Variants in GPR141 observed in about 807,000 individuals in gnomAD.
GPR141 encodes probable G protein-coupled receptor 141.
Under a neutral mutation model 6.8 loss-of-function variants are expected in GPR141, and 6 were observed. The observed-to-expected ratio is 0.88, with a 90% CI of 0.48 to 1.74. The LOEUF is 1.74. Among genes scored for constraint, GPR141 ranks in the 40% most tolerant of loss-of-function variants. The probability of loss-of-function intolerance (pLI) is 0.01; values close to 1 mark genes in which losing one functional copy is unlikely to be tolerated. For missense variants in GPR141, 372 were observed against 372.9 expected, an observed-to-expected ratio of 1.00 and a Z score of 0.02; for synonymous variants, 140 against 142.3, an observed-to-expected ratio of 0.98 and a Z score of 0.11.
rs1409161630 is a variant in GPR141 at position 37,740,474 on chromosome 7, G to A, written c.81G>A (p.Val27=). The A allele has an allele frequency of 1.2e-6, 2 of 1,614,034 alleles. No individual in the cohort carries two copies. Among genetic ancestry groups the A allele is most frequent in the South Asian group, 2.2e-5 (2 of 91,074 alleles). Residue 27 remains valine (V), a synonymous_variant, in exon 3 of 3, where the codon GTG becomes GTA. Coordinates refer to ENST00000334425, the MANE Select transcript of GPR141 (RefSeq NM_001381946.1). ...TPHLISLYFI[V]LIGGLVGVIS... Reference sequence around the variant, plus strand: ...ACTTAATCAGCCTCTACTTCATAGTGCTTATTGGCGGGCTGGTGGGTGTCA... The same window carrying A: ...ACTTAATCAGCCTCTACTTCATAGTACTTATTGGCGGGCTGGTGGGTGTCA...
At chr7:37,705,831 A>G (rs1366964420) in intron 2 of GPR141, among the ~76,000 whole-genome samples, 1 of 152,218 alleles carries the variant, frequency 6.6e-6, no homozygotes, top group African/African-American at 2.4e-5. Flanking sequence ...TCTATAGGGC[A>G]GCCACAGTTG....
rs569222255 is a variant in GPR141 at position 37,721,284 on chromosome 7, A to G, written c.-14-19096A>G. Among the ~76,000 whole-genome samples, 7 of 152,206 alleles carry G rather than the reference A, an allele frequency of 4.6e-5. No homozygotes were observed. The South Asian group carries it at 1.5e-3, about 32-fold the overall frequency. ...TGGAATAAAAGTACCCTTGTCCTGG[A>G]TTTCTTGGGAGGATTATAAGTATCA... On this transcript the variant is annotated intron_variant, in intron 2 of 2. Transcript: ENST00000334425.
In GPR141 at chr7:37,740,855, G is replaced by T; in HGVS notation, c.462G>T (p.Arg154=). ...IVIVVPLVVS[R]YGIHEEYNEE... ...TTGTGGTACCCCTGGTTGTCTCCCGGTATGGAATCCATGAGGAATACAATG... is the reference window on the plus strand; with the variant it reads ...TTGTGGTACCCCTGGTTGTCTCCCGTTATGGAATCCATGAGGAATACAATG... Residue 154 remains arginine (R), a synonymous_variant, in exon 3 of 3, where the codon CGG becomes CGT. Coordinates refer to ENST00000334425, the MANE Select transcript of GPR141 (RefSeq NM_001381946.1). The T allele has an allele frequency of 6.2e-7, 1 of 1,614,070 alleles. No individual in the cohort carries two copies. The highest frequency in any genetic ancestry group is 8.5e-7 in the Non-Finnish European group (1 of 1,179,942).
Position 37,699,819 on chromosome 7 carries a change from GTTTA to G in GPR141, c.-15+14245_-15+14248del, listed in dbSNP as rs1043634108. ...GTTGTGAGGTTTTGTTTTTTCAGGG[GTTTA>G]TTTATTTACTTATTTTTAAAAATGC... On this transcript the variant is annotated intron_variant, in intron 2 of 2. Transcript: ENST00000334425. Among the ~76,000 whole-genome samples the G allele has an allele frequency of 5.3e-5, 8 of 152,214 alleles. No individual in the cohort carries two copies. The South Asian group carries it at 8.3e-4, about 16-fold the overall frequency.
chr7:37,743,148 A>G lies in GPR141; in HGVS notation c.*1837A>G, dbSNP rs971728174. ...ACCTGAAGTGATTAGTAACATGAAT[A>G]GAATAACAGAATGAATTAAGGGAAC... On this transcript the variant is annotated 3_prime_UTR_variant, in exon 3 of 3. Transcript: ENST00000334425. Among the ~76,000 whole-genome samples the G allele has an allele frequency of 1.3e-5, 2 of 152,158 alleles. No homozygotes were observed. The highest frequency in any genetic ancestry group is 2.4e-5 in the African/African-American group (1 of 41,466).
intron 2 of GPR141, among the ~76,000 whole-genome samples, chr7:37,726,931 A>C (rs1263718015): frequency 6.6e-6 from 1 of 152,196 alleles, no homozygotes; most frequent in African/African-American, 2.4e-5. Flanking sequence ...TGGGAGAAAA[A>C]GAGGAATTAG....
chr7:37,734,245 ATT>A (rs1279658266), intron 2 of GPR141, among the ~76,000 whole-genome samples: 1 of 152,176 alleles, frequency 6.6e-6, no homozygotes, highest in Non-Finnish European at 1.5e-5. Context: ...AAATTATCTA[ATT>A]TGTCTCATAA....
intron 2 of GPR141, among the ~76,000 whole-genome samples, chr7:37,723,965 A>G (rs572421528): frequency 4.6e-5 from 7 of 152,346 alleles, no homozygotes; most frequent in Non-Finnish European, 8.8e-5. Context: ...GATCTATGCA[A>G]GGCTCTCCCT....
chr7:37,687,348 T>C (rs1386818866), intron 2 of GPR141, among the ~76,000 whole-genome samples: 2 of 152,120 alleles, frequency 1.3e-5, no homozygotes, highest in Non-Finnish European at 2.9e-5. Flanking sequence ...TAGCTTTGTA[T>C]ATAGTTGGTG....
intron 2 of GPR141, among the ~76,000 whole-genome samples, chr7:37,725,577 G>A (rs1291458135): frequency 6.6e-6 from 1 of 152,208 alleles, no homozygotes; most frequent in African/African-American, 2.4e-5. Context: ...GCTCAGCTCA[G>A]ACGCAATTTC....
At position 37,729,687 on chromosome 7, in the gene GPR141, G is replaced by T. The variant is rs945713116; in HGVS notation, c.-14-10693G>T. Among the ~76,000 whole-genome samples, 4 of 152,228 alleles carry T rather than the reference G, an allele frequency of 2.6e-5. No individual in the cohort carries two copies. In the South Asian group the frequency reaches 8.3e-4, roughly 31 times the overall value. On this transcript the variant is annotated intron_variant, in intron 2 of 2. Coordinates refer to ENST00000334425, the MANE Select transcript of GPR141 (RefSeq NM_001381946.1). ...AATGTCCCGGGGGCCTGAAGGGCTT[G>T]AAAGAAAATGCAGTCTGTGTTTACA...
At chr7:37,687,929 C>A (rs939038972) in intron 2 of GPR141, among the ~76,000 whole-genome samples, 1 of 152,058 alleles carries the variant, frequency 6.6e-6, no homozygotes, top group Non-Finnish European at 1.5e-5. Context: ...AGGACCAGAT[C>A]ATAAATATTT....
rs774739186 is a variant in GPR141 at position 37,741,577 on chromosome 7, C to T, written c.*266C>T. On this transcript the variant is annotated 3_prime_UTR_variant, in exon 3 of 3. Coordinates refer to ENST00000334425, the MANE Select transcript of GPR141 (RefSeq NM_001381946.1). ...TTCCAGTACAGAATGTCTGTGTGGCCCATGAAAGCAACATAGGTTTTAAGA... is the reference window on the plus strand; with the variant it reads ...TTCCAGTACAGAATGTCTGTGTGGCTCATGAAAGCAACATAGGTTTTAAGA... Among the ~76,000 whole-genome samples, 62 of 152,240 alleles carry T rather than the reference C, an allele frequency of 4.1e-4. No individual in the cohort carries two copies. The highest frequency in any genetic ancestry group is 7.9e-4 in the Non-Finnish European group (54 of 68,024).
In GPR141 at chr7:37,726,678, T is replaced by C. The variant is rs73691175; in HGVS notation, c.-14-13702T>C. ...TAATAAATAGAAAGCATGCTGCCTT[T>C]ATCCTTATAGTATGTGGTGTATATT... On this transcript the variant is annotated intron_variant, in intron 2 of 2. Coordinates refer to ENST00000334425, the MANE Select transcript of GPR141 (RefSeq NM_001381946.1). Among the ~76,000 whole-genome samples, 974 of 152,342 alleles carry C rather than the reference T, an allele frequency of 6.4e-3. 10 individuals carry two copies. Among genetic ancestry groups the C allele is most frequent in the African/African-American group, 0.022 (920 of 41,580 alleles).
chr7:37,715,487 A>G (rs1462578531), intron 2 of GPR141, among the ~76,000 whole-genome samples: 2 of 152,098 alleles, frequency 1.3e-5, no homozygotes, highest in Admixed American at 1.3e-4. Context: ...GAGGAGGAAA[A>G]GGAAAGGAAA....
At chr7:37,694,560 T>C (rs1335918167) in intron 2 of GPR141, among the ~76,000 whole-genome samples, 4 of 152,190 alleles carry the variant, frequency 2.6e-5, no homozygotes, top group Non-Finnish European at 5.9e-5. Flanking sequence ...TGTGTTGCAA[T>C]GAAGGAATAT....
chr7:37,695,037 A>G (rs935789760), intron 2 of GPR141, among the ~76,000 whole-genome samples: 2 of 152,228 alleles, frequency 1.3e-5, no homozygotes, highest in African/African-American at 4.8e-5. Context: ...TGGGAGATGT[A>G]TATGGAGCTG....
chr7:37,741,067 T>G lies in GPR141; in HGVS notation c.674T>G (p.Leu225Arg). Residue 225 changes from leucine to arginine, a missense_variant, in exon 3 of 3, where the codon CTG (leucine) becomes CGG (arginine). Physicochemically the swap from Leu to Arg is moderately radical, Grantham distance 102. Transcript: ENST00000334425. ...LLSHQEFWAQ[L>R]KNLFFIGVIL... ...TCCCACCAGGAGTTCTGGGCTCAGC[T>G]GAAAAACCTATTTTTTATAGGGGTC... 1.2e-6 allele frequency: 2 copies of G among 1,614,120 alleles called. No homozygotes were observed. Among genetic ancestry groups the G allele is most frequent in the Non-Finnish European group, 1.7e-6 (2 of 1,179,956 alleles).
chr7:37,733,444 G>T (rs529751004), intron 2 of GPR141, among the ~76,000 whole-genome samples: 1 of 152,112 alleles, frequency 6.6e-6, no homozygotes, highest in African/African-American at 2.4e-5. Context: ...GGCTGAGGCG[G>T]GTGGATCACC....
Sources: allele counts gnomAD v4.1 joint callset (sites outside exome capture counted in the v4.1 genomes callset), GRCh38; gene constraint gnomAD v4.1.1; transcripts MANE v1.5; gene names NCBI Gene and HGNC (gene_info 2026-07-23, HGNC 2026-07-21).